Variants in KCNIP4 observed in about 807,000 individuals in gnomAD.
KCNIP4 encodes the protein Kv channel-interacting protein 4.
A neutral mutation model predicts 34.0 loss-of-function variants in KCNIP4; 12 were observed. The observed-to-expected ratio is 0.35, with a 90% CI of 0.23 to 0.57. KCNIP4 has a LOEUF of 0.57. Among genes scored for constraint, KCNIP4 ranks in the 20% least tolerant of loss-of-function variants. The pLI, the probability that KCNIP4 is intolerant of heterozygous loss-of-function variation, is 0.83. For synonymous variants in KCNIP4, 124 were observed against 102.2 expected (o/e 1.21, Z -1.29); for missense variants, 238 against 311.7 (o/e 0.76, Z 1.78).
intron 1 of KCNIP4, among the ~76,000 whole-genome samples, chr4:21,884,880 T>A (rs1726670601): frequency 6.6e-6 from 1 of 152,076 alleles, no homozygotes; most frequent in South Asian, 2.1e-4. Flanking sequence ...AGGTCTTCAG[T>A]GGCTCGTGGC....
intron 1 of KCNIP4, among the ~76,000 whole-genome samples, chr4:21,280,804 G>A (rs1762728214): frequency 6.6e-6 from 1 of 152,158 alleles, no homozygotes; most frequent in Admixed American, 6.5e-5. Flanking sequence ...GGTAGTACTG[G>A]GAACTAGGAC....
chr4:21,822,021 A>G (rs961367716), intron 1 of KCNIP4, among the ~76,000 whole-genome samples: 1 of 152,160 alleles, frequency 6.6e-6, no homozygotes, highest in African/African-American at 2.4e-5. Context: ...ACTGGTGCAC[A>G]GAAGACGTCT....
intron 1 of KCNIP4, among the ~76,000 whole-genome samples, chr4:21,489,390 T>A (rs1367233814): frequency 2.6e-5 from 4 of 151,546 alleles, no homozygotes; most frequent in African/African-American, 7.3e-5. Context: ...AAGTAGGGCC[T>A]TGCCATGTTG....
intron 1 of KCNIP4, among the ~76,000 whole-genome samples, chr4:21,893,706 A>T (rs926903775): frequency 6.6e-6 from 1 of 152,158 alleles, no homozygotes; most frequent in Non-Finnish European, 1.5e-5. Flanking sequence ...TTGAGACTAG[A>T]TCATTTCCTA....
intron 1 of KCNIP4, among the ~76,000 whole-genome samples, chr4:21,255,034 C>T (rs886973723): frequency 3.9e-5 from 6 of 152,106 alleles, no homozygotes; most frequent in Admixed American, 2.0e-4. Context: ...TAAAGTTGAC[C>T]GTCTCCACTT....
chr4:21,669,081 T>C (rs1406885037), intron 1 of KCNIP4, among the ~76,000 whole-genome samples: 2 of 152,198 alleles, frequency 1.3e-5, no homozygotes, highest in African/African-American at 2.4e-5. Context: ...TTTCACTTAA[T>C]GCATAGTAGA....
intron 3 of KCNIP4, among the ~76,000 whole-genome samples, chr4:20,842,071 T>C (rs189392098): frequency 2.6e-5 from 4 of 152,288 alleles, no homozygotes; most frequent in Admixed American, 2.0e-4. Context: ...TATTTAACTA[T>C]GTGTTTGCTT....
intron 1 of KCNIP4, among the ~76,000 whole-genome samples, chr4:21,131,862 G>T (rs1751098211): frequency 6.6e-6 from 1 of 152,184 alleles, no homozygotes; most frequent in Non-Finnish European, 1.5e-5. Context: ...TTTATAAAGT[G>T]ACTTTGATCT....
chr4:21,328,018 A>T (rs1281644048), intron 1 of KCNIP4, among the ~76,000 whole-genome samples: 1 of 152,104 alleles, frequency 6.6e-6, no homozygotes, highest in Non-Finnish European at 1.5e-5. Flanking sequence ...TTGTCATCTG[A>T]AAAGACACAT....
intron 1 of KCNIP4, among the ~76,000 whole-genome samples, chr4:21,178,735 C>A (rs1754620378): frequency 6.6e-6 from 1 of 151,902 alleles, no homozygotes; most frequent in Admixed American, 6.6e-5. Flanking sequence ...CCATTCTCAT[C>A]TGAGGACCAT....
chr4:21,247,759 T>TATAC (rs1366204923), intron 1 of KCNIP4, among the ~76,000 whole-genome samples: 3 of 120,012 alleles, frequency 2.5e-5, no homozygotes, highest in African/African-American at 3.6e-5. Context: ...TATATATATA[T>TATAC]ACACCCCACA....
intron 1 of KCNIP4, among the ~76,000 whole-genome samples, chr4:21,325,912 T>G (rs1714991854): frequency 6.6e-6 from 1 of 151,884 alleles, no homozygotes; most frequent in African/African-American, 2.4e-5. Context: ...GTTTTCAAAA[T>G]TCCTCTTGTT....
At chr4:21,476,321 G>A (rs1457182015) in intron 1 of KCNIP4, among the ~76,000 whole-genome samples, 3 of 152,190 alleles carry the variant, frequency 2.0e-5, no homozygotes, top group South Asian at 2.1e-4. Context: ...GTTGTCCCTC[G>A]AATATCATAT....
intron 1 of KCNIP4, among the ~76,000 whole-genome samples, chr4:21,211,434 AT>A (rs1577895282): frequency 6.6e-6 from 1 of 152,090 alleles, no homozygotes; most frequent in Non-Finnish European, 1.5e-5. Flanking sequence ...TTAGAGTCTC[AT>A]AAAAGTGCGG....
chr4:21,760,126 A>C (rs1399122166), intron 1 of KCNIP4, among the ~76,000 whole-genome samples: 1 of 152,036 alleles, frequency 6.6e-6, no homozygotes, highest in Non-Finnish European at 1.5e-5. Flanking sequence ...CGTGCAGCTC[A>C]ATTACTCATG....
intron 1 of KCNIP4, among the ~76,000 whole-genome samples, chr4:21,036,318 A>G (rs1216249286): frequency 6.6e-6 from 1 of 152,228 alleles, no homozygotes; most frequent in African/African-American, 2.4e-5. Flanking sequence ...CTTGAACTCA[A>G]GTCTTATCCC....
chr4:21,895,130 T>C (rs1254596000), intron 1 of KCNIP4, among the ~76,000 whole-genome samples: 5 of 152,244 alleles, frequency 3.3e-5, no homozygotes, highest in African/African-American at 9.6e-5. Context: ...ATCTTTGATA[T>C]AGATGTCTTG....
intron 1 of KCNIP4, among the ~76,000 whole-genome samples, chr4:21,615,715 A>G (rs1273345654): frequency 6.6e-6 from 1 of 152,240 alleles, no homozygotes; most frequent in East Asian, 1.9e-4. Flanking sequence ...TCCATATTTT[A>G]GATGACTGCA....
chr4:20,778,164 G>A (rs976794668), intron 3 of KCNIP4, among the ~76,000 whole-genome samples: 2 of 152,186 alleles, frequency 1.3e-5, no homozygotes, highest in African/African-American at 4.8e-5. Flanking sequence ...CATAGACTCT[G>A]AAACAGGCTG....
Sources: gnomAD v4.1 joint callset for allele counts (sites outside exome capture counted in the v4.1 genomes callset) on GRCh38, gnomAD v4.1.1 for gene constraint, MANE v1.5 for transcripts, NCBI Gene and HGNC (gene_info 2026-07-23, HGNC 2026-07-21) for gene names.